The following C16orf87 variants were observed in gnomAD, a reference collection of about 807,000 sequenced individuals.
The protein encoded by C16orf87 is HDAC and MIER1 interacting protein 1.
C16orf87 carries 13 observed loss-of-function variants against 21.0 expected under a neutral mutation model. The observed-to-expected ratio is 0.62, with a 90% confidence interval of 0.40 to 0.98. C16orf87 has a LOEUF of 0.98. C16orf87 is among the 50% of genes least tolerant of loss of function. C16orf87 has a pLI of 0.00. For missense variants in C16orf87, 113 were observed against 180.4 expected (o/e 0.63, Z 2.14); for synonymous variants, 49 against 60.2 (o/e 0.81, Z 0.86).
chr16:46,802,109 GAT>G lies in C16orf87; in HGVS notation c.*841_*842del, dbSNP rs1967795464. The G allele has an allele frequency of 6.6e-6, 1 of 151,974 alleles. No homozygotes were observed. Among genetic ancestry groups the G allele is most frequent in the African/African-American group, 2.4e-5 (1 of 41,362 alleles). 9.4% of individuals were successfully genotyped at this position (151,974 alleles called of 1,614,324 possible). A position where few individuals can be genotyped will look rare whatever the true frequency, so the allele number is the denominator to read the frequency against. The stretch of plus-strand genomic sequence containing the variant: ...AAGTAACAATTTAAATAATTATCAG[GAT>G]ATAGAAACAAATATCCATTCAGATA... On this transcript the variant is annotated 3_prime_UTR_variant, in exon 4 of 4. Coordinates refer to ENST00000285697, the MANE Select transcript of C16orf87 (RefSeq NM_001001436.4).
Position 46,800,733 on chromosome 16 carries a change from T to G in C16orf87, c.*2219A>C, listed in dbSNP as rs1967744074. ...ACAAAGTAATATTTTCTGGGACCAT[T>G]ACAACATGCCTAGACAAATTAAATT... is the stretch of plus-strand genomic sequence containing the variant. On this transcript the variant is annotated 3_prime_UTR_variant, in exon 4 of 4. Coordinates refer to ENST00000285697, the MANE Select transcript of C16orf87 (RefSeq NM_001001436.4). 6.6e-6 allele frequency: 1 copy of G among 152,186 alleles called. No homozygotes were observed. The highest frequency in any genetic ancestry group is 1.5e-5 in the Non-Finnish European group (1 of 68,024). The allele number at this position is 152,186 out of a possible 1,614,324, so 9.4% of individuals were successfully genotyped here.
rs1002993969 is a variant in C16orf87, at chr16:46,801,449, G to A, written c.*1503C>T. On this transcript the variant is annotated 3_prime_UTR_variant, in exon 4 of 4. Transcript: ENST00000285697. ...GCATAAGAATCACTTGAACCCAGGA[G>A]GCAGAGGTTGCAGTGAGCTGAGACA... 8.5e-5 allele frequency: 13 copies of A among 152,252 alleles called. No individual in the cohort carries two copies. The highest frequency in any genetic ancestry group is 4.1e-4 in the South Asian group (2 of 4,830). The allele number at this position is 152,252 out of a possible 1,614,324, so 9.4% of individuals were successfully genotyped here.
At chr16:46,830,046 G>T (rs1320075451) in intron 1 of C16orf87, among the ~76,000 whole-genome samples, 1 of 151,978 alleles carries the variant, frequency 6.6e-6, no homozygotes, top group Non-Finnish European at 1.5e-5. Context: ...ACAAACGAGG[G>T]CCTTACGAAT....
In C16orf87 at chr16:46,802,053, ATATTAAGG is replaced by A. The variant is rs1236902242; in HGVS notation, c.*891_*898del. The A allele has an allele frequency of 1.3e-5, 2 of 152,228 alleles. No individual in the cohort carries two copies. Among genetic ancestry groups the A allele is most frequent in the African/African-American group, 4.8e-5 (2 of 41,468 alleles). 9.4% of individuals were successfully genotyped at this position (152,228 alleles called of 1,614,324 possible). ...ACACTATTTAATCTACTTAGTTTCA[ATATTAAGG>A]TTTATTTTTTCTTCCAGATTGAAAG... On this transcript the variant is annotated 3_prime_UTR_variant, in exon 4 of 4. Coordinates refer to ENST00000285697, the MANE Select transcript of C16orf87 (RefSeq NM_001001436.4).
chr16:46,807,271 T>C (rs1967957679), intron 3 of C16orf87, among the ~76,000 whole-genome samples: 1 of 151,866 alleles, frequency 6.6e-6, no homozygotes, highest in South Asian at 2.1e-4. Flanking sequence ...TGAGACCTCA[T>C]TTATACTAAA....
At chr16:46,819,995 A>T (rs925733335) in intron 2 of C16orf87, among the ~76,000 whole-genome samples, 41 of 152,110 alleles carry the variant, frequency 2.7e-4, no homozygotes, top group Non-Finnish European at 2.5e-4. Context: ...AAAAAAAAAA[A>T]TTTCATTAAT....
At chr16:46,808,274 T>C (rs959266564) in intron 3 of C16orf87, 3 of 349,992 alleles carry the variant, frequency 8.6e-6, no homozygotes, top group African/African-American at 2.2e-5. Context: ...TCAAAACCGA[T>C]ATAAACCTTA....
rs1455768819 is a variant in C16orf87 at position 46,800,944 on chromosome 16, G to C, written c.*2008C>G. On this transcript the variant is annotated 3_prime_UTR_variant, in exon 4 of 4. Coordinates refer to ENST00000285697, the MANE Select transcript of C16orf87 (RefSeq NM_001001436.4). Reference sequence around the variant, plus strand: ...ACGGCAAGCTCCAGCCCAGCCACCAGTACCTCCTTTACCATATCCAATGAA... The same window carrying C: ...ACGGCAAGCTCCAGCCCAGCCACCACTACCTCCTTTACCATATCCAATGAA... 6.6e-6 allele frequency: 1 copy of C among 152,174 alleles called. No homozygotes were observed. The highest frequency in any genetic ancestry group is 1.5e-5 in the Non-Finnish European group (1 of 68,036). 9.4% of individuals were successfully genotyped at this position (152,174 alleles called of 1,614,324 possible). A position where few individuals can be genotyped will look rare whatever the true frequency, so the allele number is the denominator to read the frequency against.
At chr16:46,821,281 G>C (rs1959404251) in intron 2 of C16orf87, among the ~76,000 whole-genome samples, 2 of 152,174 alleles carry the variant, frequency 1.3e-5, no homozygotes, top group South Asian at 4.1e-4. Context: ...AGGTTAACTA[G>C]GCTGCTTAGA....
rs549471603 is a variant in C16orf87 at position 46,802,151 on chromosome 16, A to G, written c.*801T>C. Reference sequence around the variant, plus strand: ...CCATTCAGATAAAACATTACTGCTTAAAAGTGGCTAAGAAATATTTTGCAT... The same window carrying G: ...CCATTCAGATAAAACATTACTGCTTGAAAGTGGCTAAGAAATATTTTGCAT... On this transcript the variant is annotated 3_prime_UTR_variant, in exon 4 of 4. Coordinates refer to ENST00000285697, the MANE Select transcript of C16orf87 (RefSeq NM_001001436.4). 6.6e-6 allele frequency: 1 copy of G among 152,550 alleles called. No individual in the cohort carries two copies. Among genetic ancestry groups the G allele is most frequent in the Non-Finnish European group, 1.5e-5 (1 of 67,992 alleles). 9.4% of individuals were successfully genotyped at this position (152,550 alleles called of 1,614,324 possible). A position where few individuals can be genotyped will look rare whatever the true frequency, so the allele number is the denominator to read the frequency against.
At chr16:46,824,952 CCA>C (rs1419440795) in intron 1 of C16orf87, among the ~76,000 whole-genome samples, 1 of 152,118 alleles carries the variant, frequency 6.6e-6, no homozygotes, top group Non-Finnish European at 1.5e-5. Context: ...AAGTGAGCCA[CCA>C]CACCCGGCCT....
chr16:46,830,268 CAGAGAG>C lies in C16orf87; in HGVS notation c.66+810_66+815del, dbSNP rs771471669. Among the ~76,000 whole-genome samples, 100 of 59,722 alleles carry C rather than the reference CAGAGAG, an allele frequency of 1.7e-3. 1 individual carries two copies. Among genetic ancestry groups the C allele is most frequent in the Admixed American group, 5.2e-3 (27 of 5,152 alleles). 39.2% of individuals were successfully genotyped at this position (59,722 alleles called of 152,430 possible). On this transcript the variant is annotated intron_variant, in intron 1 of 3. Coordinates refer to ENST00000285697, the MANE Select transcript of C16orf87 (RefSeq NM_001001436.4). ...AGATAGAGAGATAGAGAGAGACAGA[CAGAGAG>C]AGAGAGAGAGAGAGAGAGAGAGAGA...
At chr16:46,806,078 A>G (rs1596805612) in intron 3 of C16orf87, among the ~76,000 whole-genome samples, 1 of 152,198 alleles carries the variant, frequency 6.6e-6, no homozygotes, top group East Asian at 1.9e-4. Flanking sequence ...ACTTGCAAAC[A>G]ATCCTCTCAT....
chr16:46,814,268 C>A (rs1288008284), intron 2 of C16orf87, among the ~76,000 whole-genome samples: 1 of 152,140 alleles, frequency 6.6e-6, no homozygotes, highest in African/African-American at 2.4e-5. Flanking sequence ...CAAGGATAAT[C>A]CCAGGGCAGG....
Position 46,827,199 on chromosome 16 carries a change from T to C in C16orf87, c.67-2717A>G, listed in dbSNP as rs1009202481. 2.0e-5 allele frequency among the ~76,000 whole-genome samples: 3 copies of C among 152,168 alleles called. No individual in the cohort carries two copies. The East Asian group carries it at 5.8e-4, about 29-fold the overall frequency. ...TCTGAGTTAATTCATTCTATAGTCC[T>C]ATTTAAAATAAAAAGTTCCTTCCCC... On this transcript the variant is annotated intron_variant, in intron 1 of 3. Coordinates refer to ENST00000285697, the MANE Select transcript of C16orf87 (RefSeq NM_001001436.4).
intron 2 of C16orf87, among the ~76,000 whole-genome samples, chr16:46,815,270 C>T (rs1356355438): frequency 6.6e-6 from 1 of 151,698 alleles, no homozygotes; most frequent in East Asian, 1.9e-4. Context: ...AATATAACCA[C>T]TAAAACCATA....
chr16:46,830,240 G>C (rs1239646729), intron 1 of C16orf87, among the ~76,000 whole-genome samples: 7 of 147,530 alleles, frequency 4.7e-5, no homozygotes, highest in East Asian at 2.0e-4. Flanking sequence ...AAACGAGATA[G>C]AGAGATAGAG....
chr16:46,826,219 GA>G (rs1474946895), intron 1 of C16orf87, among the ~76,000 whole-genome samples: 1 of 152,006 alleles, frequency 6.6e-6, no homozygotes, highest in Non-Finnish European at 1.5e-5. Flanking sequence ...GAAAATCATT[GA>G]AAAAATTTTT....
intron 2 of C16orf87, among the ~76,000 whole-genome samples, chr16:46,821,710 G>C (rs1289065400): frequency 6.6e-6 from 1 of 152,180 alleles, no homozygotes; most frequent in Admixed American, 6.5e-5. Flanking sequence ...GTCTGTCACA[G>C]TTTAGTCCCT....
Sources: allele counts gnomAD v4.1 joint callset (sites outside exome capture counted in the v4.1 genomes callset), GRCh38; gene constraint gnomAD v4.1.1; transcripts MANE v1.5; gene names NCBI Gene and HGNC (gene_info 2026-07-23, HGNC 2026-07-21).